Variants in PRR16 observed in about 807,000 individuals in gnomAD.
PRR16 encodes the protein proline rich 16, also known as protein Largen.
A neutral mutation model predicts 18.2 loss-of-function variants in PRR16; 6 were observed. The ratio of observed to expected loss-of-function variants is 0.33; its 90% CI spans 0.18 to 0.65. The LOEUF is 0.65. PRR16 is among the 30% of genes least tolerant of loss of function. The probability of loss-of-function intolerance (pLI) is 0.74; values close to 1 mark genes in which losing one functional copy is unlikely to be tolerated. For missense variants in PRR16, 412 were observed against 376.6 expected (o/e 1.09, Z -0.78); for synonymous variants, 151 against 147.8 (o/e 1.02, Z -0.16).
intron 1 of PRR16, among the ~76,000 whole-genome samples, chr5:120,625,154 CTG>C (rs1754823311): frequency 6.6e-6 from 1 of 152,106 alleles, no homozygotes; most frequent in South Asian, 2.1e-4. Context: ...CCTGTGTCTA[CTG>C]TCATATTCAC....
chr5:120,659,880 T>G (rs549957422), intron 1 of PRR16, among the ~76,000 whole-genome samples: 7 of 152,164 alleles, frequency 4.6e-5, no homozygotes, highest in African/African-American at 1.4e-4. Context: ...ACAGATGTTA[T>G]AGCTGAAACA....
chr5:120,577,408 G>A (rs1753115644), intron 1 of PRR16, among the ~76,000 whole-genome samples: 1 of 151,544 alleles, frequency 6.6e-6, no homozygotes, highest in Admixed American at 6.6e-5. Flanking sequence ...CACGCCCACA[G>A]ACAATAATTT....
chr5:120,687,829 C>T (rs558717817), downstream of PRR16, among the ~76,000 whole-genome samples: 4 of 152,244 alleles, frequency 2.6e-5, no homozygotes, highest in South Asian at 4.1e-4. Flanking sequence ...CCTCCTCTTC[C>T]GTCTTATCTA....
chr5:120,756,865 C>A, the PRR16 span, among the ~76,000 whole-genome samples: 1 of 151,924 alleles, frequency 6.6e-6, no homozygotes. Context: ...TAAATTCTTT[C>A]CCAAGGACAA....
intron 1 of PRR16, among the ~76,000 whole-genome samples, chr5:120,645,126 G>A (rs532170644): frequency 4.3e-4 from 65 of 152,094 alleles, no homozygotes; most frequent in African/African-American, 8.0e-4. Context: ...TCCATTTAGC[G>A]TCTGTTATGG....
At chr5:120,779,670 ATAAT>A in the PRR16 span, among the ~76,000 whole-genome samples, 655 of 152,290 alleles carry the variant, frequency 4.3e-3, 5 homozygotes, top group African/African-American at 0.015. Flanking sequence ...TTACCCCAAA[ATAAT>A]TAAATATTAG....
the PRR16 span, among the ~76,000 whole-genome samples, chr5:120,721,660 C>T: frequency 6.6e-6 from 1 of 151,932 alleles, no homozygotes; most frequent in Non-Finnish European, 1.5e-5. Flanking sequence ...CTTTCAAAGC[C>T]ATTGTAAAGT....
chr5:120,786,805 A>T, the PRR16 span, among the ~76,000 whole-genome samples: 2 of 152,050 alleles, frequency 1.3e-5, no homozygotes, highest in Non-Finnish European at 2.9e-5. Context: ...CAGTCACTTA[A>T]TATGTTACTT....
chr5:120,749,433 G>A, the PRR16 span, among the ~76,000 whole-genome samples: 1 of 152,058 alleles, frequency 6.6e-6, no homozygotes, highest in Non-Finnish European at 1.5e-5. Flanking sequence ...GCTTGAGTAT[G>A]TTTATAGAAT....
the PRR16 span, among the ~76,000 whole-genome samples, chr5:120,732,614 C>T: frequency 3.9e-5 from 6 of 152,220 alleles, no homozygotes; most frequent in South Asian, 2.1e-4. Context: ...ATAGGTTGTG[C>T]CTTTACCCCA....
At chr5:120,509,476 T>A (rs1750751793) in intron 1 of PRR16, among the ~76,000 whole-genome samples, 1 of 152,104 alleles carries the variant, frequency 6.6e-6, no homozygotes, top group African/African-American at 2.4e-5. Context: ...TCTGTTTTTC[T>A]CAGAGTGAGG....
rs138610678 is a variant in PRR16 at position 120,519,787 on chromosome 5, G to A, written c.159+55142G>A. Among the ~76,000 whole-genome samples, 224 of 152,054 alleles carry A rather than the reference G, an allele frequency of 1.5e-3. 2 individuals carry two copies. Among genetic ancestry groups the A allele is most frequent in the African/African-American group, 5.1e-3 (212 of 41,498 alleles). The stretch of plus-strand genomic sequence containing the variant: ...AGAAAAAATATGTGCCAGATATTTT[G>A]GGGGGCCCTTAAGATTCTGGGTAAA... On this transcript the variant is annotated intron_variant, in intron 1 of 1. Coordinates refer to ENST00000407149, the MANE Select transcript of PRR16 (RefSeq NM_001300783.2).
chr5:120,702,640 C>T, the PRR16 span, among the ~76,000 whole-genome samples: 1 of 152,132 alleles, frequency 6.6e-6, no homozygotes, highest in African/African-American at 2.4e-5. Context: ...CCTTCCCAGT[C>T]CGTGACCGGC....
chr5:120,723,577 A>G, the PRR16 span, among the ~76,000 whole-genome samples: 1 of 152,154 alleles, frequency 6.6e-6, no homozygotes, highest in South Asian at 2.1e-4. Flanking sequence ...TGTATTTGAC[A>G]ATACAAGTCA....
chr5:120,705,590 A>G, the PRR16 span, among the ~76,000 whole-genome samples: 20 of 152,200 alleles, frequency 1.3e-4, no homozygotes, highest in African/African-American at 4.8e-4. Flanking sequence ...AGCTTTAACA[A>G]AATTTAAATT....
chr5:120,529,322 CAG>C (rs751012577), intron 1 of PRR16, among the ~76,000 whole-genome samples: 2 of 152,108 alleles, frequency 1.3e-5, no homozygotes, highest in Non-Finnish European at 2.9e-5. Flanking sequence ...TGCGGAGGCA[CAG>C]GGGGATAGTA....
chr5:120,672,715 C>T (rs1159604068), intron 1 of PRR16, among the ~76,000 whole-genome samples: 1 of 152,080 alleles, frequency 6.6e-6, no homozygotes, highest in Admixed American at 6.6e-5. Flanking sequence ...GCTAGTTTAA[C>T]ATCTATAGGG....
the PRR16 span, among the ~76,000 whole-genome samples, chr5:120,762,050 C>T: frequency 2.4e-4 from 37 of 152,206 alleles, 1 homozygote; most frequent in Admixed American, 1.3e-3. Context: ...GACAGAATTT[C>T]AGTCTTTTTT....
intron 1 of PRR16, among the ~76,000 whole-genome samples, chr5:120,675,039 T>C (rs185182483): frequency 2.4e-4 from 37 of 152,318 alleles, no homozygotes; most frequent in African/African-American, 8.4e-4. Context: ...AGTTCACTAA[T>C]AATGGCAGCT....
Sources: gnomAD v4.1 joint callset for allele counts (sites outside exome capture counted in the v4.1 genomes callset) on GRCh38, gnomAD v4.1.1 for gene constraint, MANE v1.5 for transcripts, NCBI Gene and HGNC (gene_info 2026-07-23, HGNC 2026-07-21) for gene names.